The following RUFY1 variants were observed in gnomAD, a reference collection of about 807,000 sequenced individuals.
The protein encoded by RUFY1 is RUN and FYVE domain-containing protein 1.
RUFY1 carries 54 observed loss-of-function variants against 94.6 expected under a neutral mutation model. The ratio of observed to expected loss-of-function variants is 0.57; its 90% CI spans 0.46 to 0.72. The LOEUF is 0.72. Ranked by LOEUF, RUFY1 falls within the 30% of genes least tolerant of loss-of-function variation. The pLI is 0.00. For synonymous variants in RUFY1, 396 were observed against 347.3 expected, an observed-to-expected ratio of 1.14 and a Z score of -1.56; for missense variants, 883 against 883.9, an observed-to-expected ratio of 1.00 and a Z score of 0.01.
intron 7 of RUFY1, among the ~76,000 whole-genome samples, chr5:179,584,724 T>G (rs1764458333): frequency 6.6e-6 from 1 of 151,878 alleles, no homozygotes; most frequent in Non-Finnish European, 1.5e-5. Context: ...ATCACACCAC[T>G]GCACTCCAGC....
intron 8 of RUFY1, chr5:179,586,444 G>T (rs562981934): frequency 4.4e-6 from 2 of 456,454 alleles, no homozygotes; most frequent in Admixed American, 2.4e-5. Context: ...TAGCAGGAGG[G>T]GGGTGCTCAG....
At chr5:179,601,559 G>A (rs1439816344) in intron 14 of RUFY1, among the ~76,000 whole-genome samples, 9 of 150,110 alleles carry the variant, frequency 6.0e-5, no homozygotes, top group Non-Finnish European at 1.0e-4. Context: ...AGTGGCTCAC[G>A]CCTGTAATCC....
At chr5:179,561,068 G>A (rs189849013) in intron 2 of RUFY1, among the ~76,000 whole-genome samples, 2 of 151,948 alleles carry the variant, frequency 1.3e-5, no homozygotes, top group Non-Finnish European at 2.9e-5. Flanking sequence ...AAAATTAGCC[G>A]GGCGTGGTGG....
rs1482289947 is a variant in RUFY1 at position 179,609,560 on chromosome 5, A to C, written c.*41A>C. ...AGCACAGCCTCACGGACAGTGCCAA[A>C]CCCTGTGGGTCTCCAGGGGCTTGGG... On this transcript the variant is annotated 3_prime_UTR_variant, in exon 18 of 18. Transcript: ENST00000319449. 1.3e-6 allele frequency: 2 copies of C among 1,530,358 alleles called. No individual in the cohort carries two copies. The highest frequency in any genetic ancestry group is 1.8e-6 in the Non-Finnish European group (2 of 1,138,834). 94.8% of individuals were successfully genotyped at this position (1,530,358 alleles called of 1,614,324 possible). A position where few individuals can be genotyped will look rare whatever the true frequency, so the allele number is the denominator to read the frequency against.
intron 8 of RUFY1, 44 bp downstream of exon 8, chr5:179,585,909 C>A: frequency 1.4e-6 from 2 of 1,458,822 alleles, no homozygotes; most frequent in Non-Finnish European, 1.9e-6. Context: ...CAGAATGACC[C>A]AAGGTTAAGA....
chr5:179,597,789 C>T (rs767828234), intron 13 of RUFY1, among the ~76,000 whole-genome samples: 51 of 152,282 alleles, frequency 3.3e-4, no homozygotes, highest in Admixed American at 2.0e-4. Flanking sequence ...CAGCAGTGCC[C>T]CCAGGGCCAC....
At chr5:179,599,132 G>A in intron 14 of RUFY1, 1 of 293,350 alleles carries the variant, frequency 3.4e-6, no homozygotes. Context: ...GTTATGCCCT[G>A]CAAAGCACCT....
chr5:179,603,190 G>A (rs561661071), intron 15 of RUFY1, among the ~76,000 whole-genome samples: 8 of 152,036 alleles, frequency 5.3e-5, no homozygotes, highest in South Asian at 2.1e-4. Context: ...GCTTGAACCC[G>A]GGAGGCAGAG....
chr5:179,608,760 C>A, intron 17 of RUFY1: 1 of 406,578 alleles, frequency 2.5e-6, no homozygotes, highest in Non-Finnish European at 3.3e-6. Flanking sequence ...ACCCCATCAT[C>A]TCTACTAAAA....
At chr5:179,609,158 G>C (rs1413687232) in intron 17 of RUFY1, among the ~76,000 whole-genome samples, 1 of 142,298 alleles carries the variant, frequency 7.0e-6, no homozygotes, top group Admixed American at 7.5e-5. Context: ...AGTGAGCTGA[G>C]ATCGCGCCAC....
chr5:179,571,861 C>G (rs927890858), intron 5 of RUFY1, among the ~76,000 whole-genome samples: 2 of 151,984 alleles, frequency 1.3e-5, no homozygotes, highest in South Asian at 4.2e-4. Flanking sequence ...TTTGAGTTTT[C>G]TTTCTCTACT....
chr5:179,599,872 G>A (rs1422242202), intron 14 of RUFY1, among the ~76,000 whole-genome samples: 1 of 152,264 alleles, frequency 6.6e-6, no homozygotes, highest in Non-Finnish European at 1.5e-5. Context: ...CCTGGATTTT[G>A]TTGTGTTGAA....
intron 15 of RUFY1, among the ~76,000 whole-genome samples, chr5:179,604,587 C>T (rs1314497531): frequency 6.6e-6 from 1 of 152,168 alleles, no homozygotes; most frequent in East Asian, 1.9e-4. Flanking sequence ...TTTCTAATCC[C>T]TCCCTTCGAA....
intron 12 of RUFY1, 151 bp downstream of exon 12, chr5:179,595,114 G>T: frequency 5.1e-6 from 3 of 591,198 alleles, no homozygotes; most frequent in South Asian, 3.9e-5. Context: ...AGGCCGACGC[G>T]GGAGGATCAC....
chr5:179,602,913 G>A (rs1248841972), intron 15 of RUFY1: 2 of 152,288 alleles, frequency 1.3e-5, no homozygotes, highest in African/African-American at 4.8e-5. Context: ...TGACCAAGGA[G>A]ATGGGGCTCA....
At chr5:179,562,361 T>A (rs188625599) in intron 2 of RUFY1, among the ~76,000 whole-genome samples, 186 bp from the exon 3 acceptor site, 284 of 152,210 alleles carry the variant, frequency 1.9e-3, no homozygotes, top group African/African-American at 6.6e-3. Context: ...GAGCTGAGAT[T>A]GCACACTGCA....
intron 5 of RUFY1, among the ~76,000 whole-genome samples, chr5:179,572,990 GT>G (rs1206500237): frequency 2.6e-5 from 4 of 152,152 alleles, no homozygotes; most frequent in African/African-American, 9.7e-5. Context: ...TAGTTAACCA[GT>G]TTTTGCAATA....
rs1043925605 is a variant in RUFY1, at chr5:179,550,643, G to T, written c.74G>T (p.Gly25Val). 6.3e-6 allele frequency: 9 copies of T among 1,438,102 alleles called. No individual in the cohort carries two copies. The African/African-American group carries it at 1.5e-4, about 25-fold the overall frequency. 89.1% of individuals were successfully genotyped at this position (1,438,102 alleles called of 1,614,324 possible). ...ELEPELEPGP[G>V]PGSALEPGEE... ...GAGCCGGAGCTGGAGCCGGGGCCGG[G>T]GCCCGGGTCAGCGCTTGAGCCGGGA... The change falls in exon 1 of 18, where the codon GGG becomes GTG. Residue 25 changes from glycine to valine, a missense_variant. Physicochemically the swap from Gly to Val is moderately radical, Grantham distance 109. Transcript: ENST00000319449.
intron 7 of RUFY1, among the ~76,000 whole-genome samples, chr5:179,585,422 C>CA (rs1363198790): frequency 6.6e-6 from 1 of 151,924 alleles, no homozygotes; most frequent in Non-Finnish European, 1.5e-5. Context: ...ACTAAAAATA[C>CA]AAAAAAATTA....
Sources: gnomAD v4.1 joint callset for allele counts (sites outside exome capture counted in the v4.1 genomes callset) on GRCh38, gnomAD v4.1.1 for gene constraint, MANE v1.5 for transcripts, NCBI Gene and HGNC (gene_info 2026-07-23, HGNC 2026-07-21) for gene names.